ATG13: variants seen among roughly 807,000 people sequenced by gnomAD.
ATG13 encodes the protein autophagy related 13, also known as autophagy-related protein 13.
Under a neutral mutation model 65.5 loss-of-function variants are expected in ATG13, and 23 were observed. That is an observed-to-expected ratio of 0.35 (90% CI 0.25 to 0.50). The LOEUF is 0.50. Ranked by LOEUF, ATG13 falls within the 20% of genes least tolerant of loss-of-function variation. ATG13 has a pLI of 0.98. For synonymous variants in ATG13, 252 were observed against 245.2 expected (o/e 1.03, Z -0.26); for missense variants, 566 against 677.0 (o/e 0.84, Z 1.82).
At chr11:46,669,894 G>A (rs1179561214) in intron 18 of ATG13, among the ~76,000 whole-genome samples, 1 of 152,142 alleles carries the variant, frequency 6.6e-6, no homozygotes, top group African/African-American at 2.4e-5. Flanking sequence ...AGATTGTGAG[G>A]TCCTGAGTAT....
intron 1 of ATG13, among the ~76,000 whole-genome samples, chr11:46,619,854 C>G (rs1202747659): frequency 2.6e-5 from 4 of 151,402 alleles, no homozygotes; most frequent in Non-Finnish European, 4.4e-5. Context: ...AAGGTGAAAC[C>G]CCGTCTCTAC....
Position 46,656,949 on chromosome 11 carries a change from A to G in ATG13, c.500-146A>G, listed in dbSNP as rs1475351675. 49 of 687,826 alleles carry G rather than the reference A, an allele frequency of 7.1e-5. 1 individual carries two copies. Among genetic ancestry groups the G allele is most frequent in the South Asian group, 3.5e-4 (21 of 60,276 alleles). 42.6% of individuals were successfully genotyped at this position (687,826 alleles called of 1,614,324 possible). ...CACATACACACACACACACACACAC[A>G]TATGAAATTAAGGCTGCTGCACTTA... On this transcript the variant is annotated intron_variant, in intron 8 of 18. Coordinates refer to ENST00000683050, the MANE Select transcript of ATG13 (RefSeq NM_001346311.2).
intron 13 of ATG13, 133 bp downstream of exon 13, chr11:46,665,092 C>T: frequency 4.1e-6 from 4 of 971,302 alleles, no homozygotes; most frequent in Non-Finnish European, 4.6e-6. Flanking sequence ...TTCGTGACTT[C>T]AGAGACCAAA....
chr11:46,667,780 A>G lies in ATG13; in HGVS notation c.1144A>G (p.Thr382Ala). ...CAATPSSSED[T>A]ETVSNSSEGR... Reference sequence around the variant, plus strand: ...TTCACCTTTCTCCTCCAGTGAGGATACTGAAACCGTATCAAACAGCAGTGA... The same window carrying G: ...TTCACCTTTCTCCTCCAGTGAGGATGCTGAAACCGTATCAAACAGCAGTGA... The change falls in exon 15 of 19, where the codon ACT becomes GCT. Residue 382 changes from threonine (T) to alanine (A), a missense_variant. Transcript: ENST00000683050. 6.2e-7 allele frequency: 1 copy of G among 1,603,338 alleles called. No individual in the cohort carries two copies. Among genetic ancestry groups the G allele is most frequent in the Non-Finnish European group, 8.5e-7 (1 of 1,171,118 alleles).
chr11:46,657,006 C>A, intron 8 of ATG13, 89 bp from the exon 9 acceptor site: 1 of 1,118,734 alleles, frequency 8.9e-7, no homozygotes, highest in Non-Finnish European at 1.4e-6. Flanking sequence ...AGAGATTACA[C>A]AATAGGCCAA....
chr11:46,667,442 G>A (rs1486543980), intron 14 of ATG13, among the ~76,000 whole-genome samples: 4 of 152,208 alleles, frequency 2.6e-5, no homozygotes, highest in African/African-American at 9.7e-5. Context: ...GAGAGGGGAG[G>A]AAACATGGCA....
Position 46,667,806 on chromosome 11 carries a change from G to C in ATG13, c.1170G>C (p.Glu390Asp). ...CTGAAACCGTATCAAACAGCAGTGA[G>C]GGACGGGCCTCCCCTCACGATGTCT... The part of the protein sequence containing the change: ...EDTETVSNSS[E>D]GRASPHDVLE... Residue 390 changes from glutamate to aspartate, a missense_variant, in exon 15 of 19, where the codon GAG becomes GAC. Transcript: ENST00000683050. 6.2e-7 allele frequency: 1 copy of C among 1,610,986 alleles called. No individual in the cohort carries two copies. Among genetic ancestry groups the C allele is most frequent in the Non-Finnish European group, 8.5e-7 (1 of 1,177,384 alleles).
At chr11:46,624,615 T>C (rs1008766170) in intron 1 of ATG13, among the ~76,000 whole-genome samples, 1 of 152,156 alleles carries the variant, frequency 6.6e-6, no homozygotes, top group Non-Finnish European at 1.5e-5. Context: ...TTTCAGGTTA[T>C]ACAGTTTTAG....
intron 5 of ATG13, among the ~76,000 whole-genome samples, chr11:46,647,009 C>T (rs1168662511): frequency 6.6e-6 from 1 of 151,950 alleles, no homozygotes; most frequent in African/African-American, 2.4e-5. Flanking sequence ...ATCTGCCTGC[C>T]TCAGTCTCTC....
chr11:46,645,221 T>A (rs986286785), intron 3 of ATG13, 118 bp from the exon 4 acceptor site: 5 of 749,622 alleles, frequency 6.7e-6, no homozygotes, highest in Non-Finnish European at 1.1e-5. Context: ...AGTATACTTA[T>A]GATTAATTGG....
At chr11:46,646,174 A>G (rs185674156) in intron 5 of ATG13, among the ~76,000 whole-genome samples, 185 bp downstream of exon 5, 1 of 151,992 alleles carries the variant, frequency 6.6e-6, no homozygotes, top group Non-Finnish European at 1.5e-5. Flanking sequence ...TTTGAGACTG[A>G]GTCTCGATCT....
intron 14 of ATG13, 43 bp from the exon 15 acceptor site, chr11:46,667,730 C>A: frequency 6.7e-7 from 1 of 1,481,644 alleles, no homozygotes; most frequent in Non-Finnish European, 9.4e-7. Flanking sequence ...AGTCGTCCTG[C>A]TGTGGTTTGA....
At chr11:46,668,696 T>C (rs2062985535) in intron 16 of ATG13, 98 bp from the exon 17 acceptor site, 1 of 1,485,572 alleles carries the variant, frequency 6.7e-7, no homozygotes, top group Non-Finnish European at 9.4e-7. Context: ...TACGGGTTTG[T>C]AGCCAGCATT....
intron 14 of ATG13, among the ~76,000 whole-genome samples, chr11:46,665,797 CTTTTTTTTTTTTTTT>C (rs1159523560): frequency 1.1e-5 from 1 of 87,776 alleles, no homozygotes; most frequent in South Asian, 4.1e-4. Context: ...TTTATTTTTC[CTTTTTTTTTTTTTTT>C]TTTTTTTTTG....
At chr11:46,625,191 A>T (rs150763190) in intron 1 of ATG13, 43 of 148,948 alleles carry the variant, frequency 2.9e-4, no homozygotes, top group African/African-American at 9.3e-4. Context: ...AAATCAACTC[A>T]CAAAAGGCAT....
chr11:46,667,772 G>C lies in ATG13; in HGVS notation c.1137-1G>C. 6.3e-7 allele frequency: 1 copy of C among 1,596,350 alleles called. No individual in the cohort carries two copies. Among genetic ancestry groups the C allele is most frequent in the Non-Finnish European group, 8.6e-7 (1 of 1,165,096 alleles). On this transcript the variant is annotated splice_acceptor_variant, in intron 14 of 18. Coordinates refer to ENST00000683050, the MANE Select transcript of ATG13 (RefSeq NM_001346311.2). LOFTEE classifies it high-confidence loss of function. ...GTACTAACTTCACCTTTCTCCTCCA[G>C]TGAGGATACTGAAACCGTATCAAAC...
rs778715519 is a variant in ATG13 at position 46,656,391 on chromosome 11, TAAAGA to T, written c.499+124_499+128del. 65 of 1,070,922 alleles carry T rather than the reference TAAAGA, an allele frequency of 6.1e-5. 1 individual carries two copies. In the Middle Eastern group the frequency reaches 1.7e-3, roughly 28 times the overall value. 66.3% of individuals were successfully genotyped at this position (1,070,922 alleles called of 1,614,324 possible). ...GTCATCTTAATATGCATAATACAAGTAAAGAAAAGATGAGAATGCAGGTAGGTGGT... is the reference window on the plus strand; with the variant it reads ...GTCATCTTAATATGCATAATACAAGTAAAGATGAGAATGCAGGTAGGTGGT... On this transcript the variant is annotated intron_variant, in intron 8 of 18. Coordinates refer to ENST00000683050, the MANE Select transcript of ATG13 (RefSeq NM_001346311.2).
At position 46,617,847 on chromosome 11, in the gene ATG13, C is replaced by G; in HGVS notation, c.-113C>G. ...CTGGTCGGTCCCAGGTCCCGGCCTC[C>G]GTAATGAGAGCCCGGAACCACTCTT... On this transcript the variant is annotated 5_prime_UTR_variant, in exon 1 of 19. Transcript: ENST00000683050. 2.5e-6 allele frequency: 1 copy of G among 399,174 alleles called. No individual in the cohort carries two copies. Among genetic ancestry groups the G allele is most frequent in the Admixed American group, 4.4e-5 (1 of 22,734 alleles). The allele number at this position is 399,174 out of a possible 1,614,324, so 24.7% of individuals were successfully genotyped here. A position where few individuals can be genotyped will look rare whatever the true frequency, so the allele number is the denominator to read the frequency against.
At chr11:46,634,721 AGACG>A (rs926312942) in intron 2 of ATG13, among the ~76,000 whole-genome samples, 15 of 144,414 alleles carry the variant, frequency 1.0e-4, no homozygotes, top group African/African-American at 3.6e-4. Context: ...TTGTTTTTTG[AGACG>A]GAGTCTTGCT....
Sources: allele counts gnomAD v4.1 joint callset (sites outside exome capture counted in the v4.1 genomes callset), GRCh38; gene constraint gnomAD v4.1.1; transcripts MANE v1.5; gene names NCBI Gene and HGNC (gene_info 2026-07-23, HGNC 2026-07-21).